COL11A1: variants seen among roughly 807,000 people sequenced by gnomAD.
The protein encoded by COL11A1 is collagen type XI alpha 1 chain.
COL11A1 carries 74 observed loss-of-function variants against 265.2 expected under a neutral mutation model. That is an observed-to-expected ratio of 0.28 (90% CI 0.23 to 0.34). COL11A1 has a LOEUF of 0.34. Among genes scored for constraint, COL11A1 ranks in the 10% least tolerant of loss-of-function variants. COL11A1 has a pLI of 1.00. For missense variants in COL11A1, 2,165 were observed against 2,263.6 expected, an observed-to-expected ratio of 0.96 and a Z score of 0.88; for synonymous variants, 816 against 727.6, an observed-to-expected ratio of 1.12 and a Z score of -1.96.
chr1:102,927,260 C>T (rs918820452), intron 46 of COL11A1, among the ~76,000 whole-genome samples: 5 of 152,008 alleles, frequency 3.3e-5, no homozygotes, highest in Non-Finnish European at 7.4e-5. Context: ...AAATAATATA[C>T]CATAAGTTAC....
chr1:103,042,843 G>T (rs1668920951), intron 4 of COL11A1, among the ~76,000 whole-genome samples: 1 of 151,548 alleles, frequency 6.6e-6, no homozygotes, highest in Admixed American at 6.6e-5. Flanking sequence ...TGGGAACTCA[G>T]AGTGAACCCA....
chr1:102,978,478 C>T (rs1004023212), intron 35 of COL11A1, among the ~76,000 whole-genome samples: 17 of 152,006 alleles, frequency 1.1e-4, no homozygotes, highest in Admixed American at 1.1e-3. Flanking sequence ...ATATCTTAGT[C>T]CAGTTACACA....
At chr1:103,024,071 T>G (rs1017908258) in intron 7 of COL11A1, among the ~76,000 whole-genome samples, 3 of 152,154 alleles carry the variant, frequency 2.0e-5, no homozygotes, top group Non-Finnish European at 4.4e-5. Flanking sequence ...CGACTTATCA[T>G]GTGAATATTT....
Position 102,909,112 on chromosome 1 carries a change from A to G in COL11A1, c.4086+3047T>C, listed in dbSNP as rs571607638. On this transcript the variant is annotated intron_variant, in intron 54 of 66. Transcript: ENST00000370096. The stretch of plus-strand genomic sequence containing the variant: ...AATCTTGGCGGTAGAGCCCAATAGG[A>G]GGTGTCTGAGTCATGGGGATGGATT... Among the ~76,000 whole-genome samples, 8 of 152,170 alleles carry G rather than the reference A, an allele frequency of 5.3e-5. 1 individual carries two copies. The South Asian group carries it at 1.7e-3, about 32-fold the overall frequency.
At chr1:102,903,594 T>G (rs942515772) in intron 54 of COL11A1, among the ~76,000 whole-genome samples, 1 of 152,198 alleles carries the variant, frequency 6.6e-6, no homozygotes, top group South Asian at 2.1e-4. Flanking sequence ...AAATCTGTAT[T>G]CAACCAAAGC....
intron 20 of COL11A1, 121 bp downstream of exon 20, chr1:103,004,323 G>T: frequency 1.4e-6 from 1 of 724,498 alleles, no homozygotes; most frequent in South Asian, 1.7e-5. Flanking sequence ...GCAATTATCT[G>T]GTTAGCTTAG....
chr1:103,052,189 T>C (rs1407579000), intron 4 of COL11A1, among the ~76,000 whole-genome samples: 1 of 152,182 alleles, frequency 6.6e-6, no homozygotes, highest in Non-Finnish European at 1.5e-5. Flanking sequence ...TATTCAACAA[T>C]TCATGTTTTC....
intron 4 of COL11A1, among the ~76,000 whole-genome samples, chr1:103,061,820 C>T (rs796917994): frequency 7.9e-5 from 12 of 151,938 alleles, no homozygotes; most frequent in African/African-American, 2.7e-4. Flanking sequence ...CTGAAATAAA[C>T]AGAACAAAAG....
chr1:102,927,437 C>T (rs1189548301), intron 46 of COL11A1, among the ~76,000 whole-genome samples: 1 of 152,134 alleles, frequency 6.6e-6, no homozygotes, highest in African/African-American at 2.4e-5. Flanking sequence ...CAGAATACGG[C>T]CAGGCGCAGT....
chr1:102,962,501 G>A (rs1661015412), intron 39 of COL11A1, 152 bp downstream of exon 39: 1 of 785,892 alleles, frequency 1.3e-6, no homozygotes, highest in African/African-American at 1.7e-5. Flanking sequence ...TAAATGTTGA[G>A]CAATATCTTG....
chr1:102,883,369 A>C (rs1274693951), intron 63 of COL11A1, 58 bp from the exon 64 acceptor site: 3 of 1,029,956 alleles, frequency 2.9e-6, no homozygotes, highest in African/African-American at 1.6e-5. Flanking sequence ...TGTTGAATGC[A>C]TTAGATGTCA....
chr1:102,998,402 A>T, intron 24 of COL11A1, 39 bp from the exon 25 acceptor site: 1 of 1,446,456 alleles, frequency 6.9e-7, no homozygotes, highest in East Asian at 2.5e-5. Context: ...GATAAAAATA[A>T]TTTTAAAAAG....
chr1:103,071,623 G>T (rs12742552), intron 4 of COL11A1, among the ~76,000 whole-genome samples: 1 of 150,842 alleles, frequency 6.6e-6, no homozygotes, highest in East Asian at 2.0e-4. Flanking sequence ...ATTGCAGTAG[G>T]CCAGAAAAGA....
At chr1:102,915,922 A>G (rs1289925222) in intron 49 of COL11A1, among the ~76,000 whole-genome samples, 1 of 152,206 alleles carries the variant, frequency 6.6e-6, no homozygotes, top group Non-Finnish European at 1.5e-5. Flanking sequence ...TGGTTGGTTA[A>G]TAGTTGGCAT....
At chr1:102,995,754 G>T in intron 28 of COL11A1, 110 bp downstream of exon 28, 1 of 868,032 alleles carries the variant, frequency 1.2e-6, no homozygotes, top group Non-Finnish European at 1.9e-6. Flanking sequence ...CTAGCATTGC[G>T]TAGTATGTAG....
At position 102,877,111 on chromosome 1, in the gene COL11A1, G is replaced by GA. The variant is rs943489914; in HGVS notation, c.*907dup. The GA allele has an allele frequency of 1.8e-4, 27 of 152,370 alleles. No individual in the cohort carries two copies. The highest frequency in any genetic ancestry group is 3.5e-4 in the Non-Finnish European group (24 of 67,940). 9.4% of individuals were successfully genotyped at this position (152,370 alleles called of 1,614,324 possible). On this transcript the variant is annotated 3_prime_UTR_variant, in exon 67 of 67. Transcript: ENST00000370096. The stretch of plus-strand genomic sequence containing the variant: ...GAAAACAAGGAGATGAGATAACGTA[G>GA]AAAAAAAGTATACATATGATTGTTT...
intron 4 of COL11A1, 133 bp from the exon 5 acceptor site, chr1:103,031,377 G>A (rs1319314611): frequency 3.1e-5 from 34 of 1,079,646 alleles, no homozygotes; most frequent in Non-Finnish European, 4.0e-5. Flanking sequence ...ATATTTCAAT[G>A]TTAAGAAGAG....
intron 46 of COL11A1, among the ~76,000 whole-genome samples, chr1:102,931,377 T>C (rs1014837077): frequency 2.0e-5 from 3 of 148,236 alleles, no homozygotes; most frequent in African/African-American, 5.0e-5. Context: ...GAGCAGGTTG[T>C]TCAGTTTCCA....
chr1:103,104,620 T>G (rs999323178), intron 1 of COL11A1, among the ~76,000 whole-genome samples: 1 of 152,144 alleles, frequency 6.6e-6, no homozygotes, highest in African/African-American at 2.4e-5. Context: ...AAACTTAATT[T>G]CAAAACTAAT....
Sources: gnomAD v4.1 joint callset for allele counts (sites outside exome capture counted in the v4.1 genomes callset) on GRCh38, gnomAD v4.1.1 for gene constraint, MANE v1.5 for transcripts, NCBI Gene and HGNC (gene_info 2026-07-23, HGNC 2026-07-21) for gene names.